Variants in ARHGAP42 observed in about 807,000 individuals in gnomAD.
The protein encoded by ARHGAP42 is rho GTPase-activating protein 42.
In ARHGAP42, 63 loss-of-function variants were observed where a neutral mutation model predicts 125.0. The observed-to-expected ratio is 0.50, with a 90% confidence interval of 0.41 to 0.62. The LOEUF (loss-of-function observed/expected upper bound fraction) is 0.62. ARHGAP42 is among the 20% of genes least tolerant of loss of function. The pLI, the probability that ARHGAP42 is intolerant of heterozygous loss-of-function variation, is 0.00. For missense variants in ARHGAP42, 766 were observed against 1,024.2 expected, an observed-to-expected ratio of 0.75 and a Z score of 3.44; for synonymous variants, 339 against 351.0, an observed-to-expected ratio of 0.97 and a Z score of 0.38.
rs764755704 is a variant in ARHGAP42 at position 100,920,068 on chromosome 11, G to T, written c.487-1426G>T. 8.7e-4 allele frequency among the ~76,000 whole-genome samples: 133 copies of T among 152,308 alleles called. 4 individuals are homozygous for T. Among genetic ancestry groups the T allele is most frequent in the Admixed American group, 5.5e-3 (84 of 15,300 alleles). On this transcript the variant is annotated intron_variant, in intron 5 of 23. Coordinates refer to ENST00000298815, the MANE Select transcript of ARHGAP42 (RefSeq NM_152432.4). ...GGTAAGAAGAAAAGAAACATGATTT[G>T]TGTGGAATACTGATGTTCTTTTTTG...
At chr11:100,945,361 A>G (rs550529938) in intron 10 of ARHGAP42, among the ~76,000 whole-genome samples, 1 of 152,112 alleles carries the variant, frequency 6.6e-6, no homozygotes, top group Admixed American at 6.6e-5. Flanking sequence ...GTTAATGTGG[A>G]TATTTTGGCT....
At chr11:100,834,399 T>A (rs1864732998) in intron 3 of ARHGAP42, among the ~76,000 whole-genome samples, 1 of 152,134 alleles carries the variant, frequency 6.6e-6, no homozygotes, top group African/African-American at 2.4e-5. Context: ...ATCCATGCAG[T>A]GTAAATTAGA....
chr11:100,874,097 G>A (rs1865757320), intron 4 of ARHGAP42, among the ~76,000 whole-genome samples: 1 of 152,226 alleles, frequency 6.6e-6, no homozygotes, highest in Admixed American at 6.5e-5. Flanking sequence ...ATGTTCAGGT[G>A]CATGGCACTG....
At chr11:100,887,045 A>T (rs1866107741) in intron 4 of ARHGAP42, among the ~76,000 whole-genome samples, 1 of 152,186 alleles carries the variant, frequency 6.6e-6, no homozygotes, top group Non-Finnish European at 1.5e-5. Context: ...AATGCATGTC[A>T]GTACTCAGGA....
intron 4 of ARHGAP42, among the ~76,000 whole-genome samples, chr11:100,880,989 A>T (rs2135176213): frequency 1.3e-5 from 2 of 151,986 alleles, no homozygotes; most frequent in East Asian, 3.9e-4. Flanking sequence ...GATTCTGGGC[A>T]TTAGTCCTTT....
intron 17 of ARHGAP42, among the ~76,000 whole-genome samples, chr11:100,971,975 A>T (rs1026453284): frequency 6.6e-5 from 10 of 152,342 alleles, no homozygotes; most frequent in African/African-American, 1.4e-4. Flanking sequence ...ATACATATTA[A>T]GCAATTAATA....
intron 2 of ARHGAP42, among the ~76,000 whole-genome samples, chr11:100,786,876 G>T (rs685611): frequency 2.0e-5 from 3 of 151,842 alleles, no homozygotes; most frequent in Non-Finnish European, 4.4e-5. Context: ...AATCTCATCT[G>T]GAATTATAAT....
intron 1 of ARHGAP42, among the ~76,000 whole-genome samples, chr11:100,739,216 A>C: frequency 6.6e-6 from 1 of 151,082 alleles, no homozygotes; most frequent in East Asian, 1.9e-4. Flanking sequence ...CTTTTGTCTG[A>C]GTTTTACCAA....
At chr11:100,916,885 T>G (rs1000455920) in intron 5 of ARHGAP42, among the ~76,000 whole-genome samples, 1 of 151,754 alleles carries the variant, frequency 6.6e-6, no homozygotes, top group Non-Finnish European at 1.5e-5. Context: ...AAAAATGGAG[T>G]GTGATATGTT....
At chr11:100,746,430 C>T (rs1226106385) in intron 1 of ARHGAP42, among the ~76,000 whole-genome samples, 14 of 152,216 alleles carry the variant, frequency 9.2e-5, no homozygotes, top group Admixed American at 9.2e-4. Flanking sequence ...GACTGGAGGA[C>T]CACCCTAGTG....
intron 22 of ARHGAP42, among the ~76,000 whole-genome samples, chr11:100,982,549 A>C (rs1325987944): frequency 6.6e-6 from 1 of 152,198 alleles, no homozygotes; most frequent in Non-Finnish European, 1.5e-5. Context: ...TTAAAAGCCA[A>C]ATGTAGCTAG....
chr11:100,865,771 A>G (rs2135150454), intron 4 of ARHGAP42, among the ~76,000 whole-genome samples: 1 of 152,324 alleles, frequency 6.6e-6, no homozygotes, highest in African/African-American at 2.4e-5. Flanking sequence ...TTTTATTACT[A>G]AAATAGGCTA....
At chr11:100,815,772 G>T (rs879536153) in intron 3 of ARHGAP42, among the ~76,000 whole-genome samples, 4 of 152,014 alleles carry the variant, frequency 2.6e-5, no homozygotes, top group African/African-American at 7.2e-5. Context: ...TTGCAAAATT[G>T]AAACTCTATA....
intron 1 of ARHGAP42, among the ~76,000 whole-genome samples, chr11:100,689,300 G>C (rs1565529275): frequency 1.3e-5 from 2 of 152,148 alleles, no homozygotes. Flanking sequence ...GCAAATCCTG[G>C]TTAAAGTCTC....
intron 1 of ARHGAP42, among the ~76,000 whole-genome samples, chr11:100,728,731 T>C (rs1392278450): frequency 1.3e-4 from 15 of 114,592 alleles, no homozygotes; most frequent in African/African-American, 4.2e-4. Context: ...TATATATATA[T>C]ATATATATAT....
chr11:100,748,217 T>A (rs573793661), intron 1 of ARHGAP42, among the ~76,000 whole-genome samples: 1 of 152,394 alleles, frequency 6.6e-6, no homozygotes, highest in East Asian at 1.9e-4. Flanking sequence ...TTGGTACAGA[T>A]GGCTCCTTCC....
intron 4 of ARHGAP42, among the ~76,000 whole-genome samples, chr11:100,860,866 C>T (rs1007200733): frequency 9.2e-5 from 14 of 152,122 alleles, no homozygotes; most frequent in African/African-American, 3.4e-4. Context: ...AAATCAGAAC[C>T]ATTTTTATGT....
intron 12 of ARHGAP42, among the ~76,000 whole-genome samples, chr11:100,955,141 G>A (rs1019559533): frequency 1.3e-5 from 2 of 151,852 alleles, no homozygotes; most frequent in Non-Finnish European, 2.9e-5. Flanking sequence ...TTTGAATTCT[G>A]TTGAGATTAA....
At chr11:100,970,516 T>C (rs1361022138) in intron 17 of ARHGAP42, among the ~76,000 whole-genome samples, 3 of 152,106 alleles carry the variant, frequency 2.0e-5, no homozygotes, top group African/African-American at 7.2e-5. Context: ...GCTAGTAGAT[T>C]GCTCTGTTGT....
Sources: gnomAD v4.1 joint callset for allele counts (sites outside exome capture counted in the v4.1 genomes callset) on GRCh38, gnomAD v4.1.1 for gene constraint, MANE v1.5 for transcripts, NCBI Gene and HGNC (gene_info 2026-07-23, HGNC 2026-07-21) for gene names.